Variants in PDE4D observed in about 807,000 individuals in gnomAD.
PDE4D encodes the protein 3',5'-cyclic-AMP phosphodiesterase 4D.
In PDE4D, 24 loss-of-function variants were observed where a neutral mutation model predicts 87.4. That is an observed-to-expected ratio of 0.27 (90% CI 0.20 to 0.39). The LOEUF (loss-of-function observed/expected upper bound fraction) is 0.39, where lower values mean the gene tolerates loss of function less well. PDE4D is among the 10% of genes least tolerant of loss of function. The pLI is 1.00. For missense variants in PDE4D, 714 were observed against 1,041.0 expected, an observed-to-expected ratio of 0.69 and a Z score of 4.32; for synonymous variants, 384 against 383.2, an observed-to-expected ratio of 1.00 and a Z score of -0.02.
chr5:59,537,725 G>A (rs1184074742), intron 1 of PDE4D, among the ~76,000 whole-genome samples: 1 of 152,122 alleles, frequency 6.6e-6, no homozygotes, highest in Non-Finnish European at 1.5e-5. Context: ...CCACTTATTT[G>A]ATATGATAGA....
At chr5:59,791,817 T>C (rs978588428) in intron 1 of PDE4D, among the ~76,000 whole-genome samples, 4 of 152,156 alleles carry the variant, frequency 2.6e-5, no homozygotes, top group African/African-American at 4.8e-5. Flanking sequence ...ACTCTCTGAG[T>C]GACCTTAGGC....
intron 1 of PDE4D, chr5:59,275,957 G>T: frequency 3.0e-6 from 3 of 985,178 alleles, no homozygotes; most frequent in Non-Finnish European, 2.4e-6. Flanking sequence ...CTTTGGCTGG[G>T]TGGGCTGATT....
chr5:59,542,707 T>A (rs1816573361), intron 1 of PDE4D, among the ~76,000 whole-genome samples: 2 of 152,300 alleles, frequency 1.3e-5, no homozygotes, highest in African/African-American at 4.8e-5. Context: ...CACCATCCAG[T>A]ATGATAGAAA....
intron 1 of PDE4D, among the ~76,000 whole-genome samples, chr5:60,362,222 A>G (rs1029314216): frequency 2.0e-5 from 3 of 152,140 alleles, no homozygotes; most frequent in African/African-American, 7.2e-5. Flanking sequence ...CACCTTCCCT[A>G]TGTCTGATCT....
chr5:60,507,903 C>T (rs1230239536), intron 1 of PDE4D, among the ~76,000 whole-genome samples: 1 of 152,198 alleles, frequency 6.6e-6, no homozygotes, highest in African/African-American at 2.4e-5. Context: ...GACTTATAAA[C>T]ATCTGACCTA....
intron 1 of PDE4D, among the ~76,000 whole-genome samples, chr5:59,330,622 T>G (rs1033836005): frequency 1.4e-5 from 2 of 146,804 alleles, no homozygotes; most frequent in African/African-American, 2.7e-5. Flanking sequence ...GAGAAAACCA[T>G]TTTTTTTATT....
chr5:59,029,540 C>A (rs1183557534), intron 6 of PDE4D, among the ~76,000 whole-genome samples: 1 of 151,728 alleles, frequency 6.6e-6, no homozygotes, highest in Non-Finnish European at 1.5e-5. Flanking sequence ...GAAAAGATAT[C>A]CCATGTTCAT....
At chr5:60,325,479 G>C (rs1300306810) in intron 1 of PDE4D, among the ~76,000 whole-genome samples, 1 of 152,186 alleles carries the variant, frequency 6.6e-6, no homozygotes, top group Non-Finnish European at 1.5e-5. Flanking sequence ...ATGGAAAGCA[G>C]AGGCAGTGGC....
At chr5:59,592,707 T>A (rs1041139237) in intron 1 of PDE4D, among the ~76,000 whole-genome samples, 4 of 152,060 alleles carry the variant, frequency 2.6e-5, no homozygotes, top group Admixed American at 2.0e-4. Context: ...GTAGAAGACT[T>A]AAAAGCCTAA....
chr5:59,814,605 A>G (rs1489200926), intron 1 of PDE4D, among the ~76,000 whole-genome samples: 3 of 152,208 alleles, frequency 2.0e-5, no homozygotes, highest in Non-Finnish European at 4.4e-5. Flanking sequence ...AGGGGAGGAC[A>G]TAACTGGTGT....
Position 58,992,000 on chromosome 5 carries a change from C to T in PDE4D, c.1020G>A (p.Lys340=), listed in dbSNP as rs557995650. ...SEFISNTFLD[K]QHEVEIPSPT... ...GAGAAGGAATTTCCACTTCATGTTGCTTATCTTGAGAAATTTAGAAAATGT... is the reference window on the plus strand; with the variant it reads ...GAGAAGGAATTTCCACTTCATGTTGTTTATCTTGAGAAATTTAGAAAATGT... The change falls in exon 8 of 15, where the codon AAG becomes AAA. Residue 340 remains lysine, a synonymous_variant. Transcript: ENST00000340635. The T allele has an allele frequency of 1.0e-4, 157 of 1,550,284 alleles. 3 individuals are homozygous for T. The South Asian group carries it at 2.0e-3, about 19-fold the overall frequency.
At chr5:60,200,744 A>T (rs910301915) in intron 1 of PDE4D, among the ~76,000 whole-genome samples, 1 of 152,154 alleles carries the variant, frequency 6.6e-6, no homozygotes, top group Admixed American at 6.5e-5. Flanking sequence ...CAATTTAGGG[A>T]ATTTCTGTAA....
chr5:59,164,453 C>A (rs1781592994), intron 5 of PDE4D, among the ~76,000 whole-genome samples: 1 of 152,090 alleles, frequency 6.6e-6, no homozygotes, highest in Non-Finnish European at 1.5e-5. Flanking sequence ...GTGCTTAATT[C>A]ACTTCATTTA....
chr5:59,703,521 C>T, intron 1 of PDE4D: 1 of 531,280 alleles, frequency 1.9e-6, no homozygotes, highest in Non-Finnish European at 3.9e-6. Context: ...CACCATGTAG[C>T]TTGTACTTGA....
chr5:59,254,307 C>T (rs1760542824), intron 1 of PDE4D, among the ~76,000 whole-genome samples: 2 of 152,012 alleles, frequency 1.3e-5, no homozygotes, highest in Non-Finnish European at 2.9e-5. Flanking sequence ...AGATGTCTAC[C>T]CTAGTTTTCC....
At chr5:60,181,239 T>C (rs913015683) in intron 2 of PDE4D, among the ~76,000 whole-genome samples, 3 of 152,114 alleles carry the variant, frequency 2.0e-5, no homozygotes, top group Non-Finnish European at 4.4e-5. Context: ...AATGTAAAGG[T>C]ACAGATGGAA....
intron 1 of PDE4D, among the ~76,000 whole-genome samples, chr5:59,754,595 G>T (rs141744634): frequency 2.0e-5 from 3 of 152,228 alleles, no homozygotes; most frequent in Non-Finnish European, 4.4e-5. Context: ...TACAAATTAC[G>T]TAGCCAGTGC....
intron 1 of PDE4D, among the ~76,000 whole-genome samples, chr5:59,379,996 C>G (rs1331916940): frequency 6.6e-6 from 1 of 152,058 alleles, no homozygotes; most frequent in African/African-American, 2.4e-5. Context: ...CCCCTCCTGG[C>G]TTTTGGAATC....
intron 1 of PDE4D, among the ~76,000 whole-genome samples, chr5:59,297,220 A>G (rs1014378042): frequency 6.6e-6 from 1 of 152,210 alleles, no homozygotes; most frequent in African/African-American, 2.4e-5. Flanking sequence ...AACATCCTAT[A>G]AAGGAATCTA....
Sources: allele counts gnomAD v4.1 joint callset (sites outside exome capture counted in the v4.1 genomes callset), GRCh38; gene constraint gnomAD v4.1.1; transcripts MANE v1.5; gene names NCBI Gene and HGNC (gene_info 2026-07-23, HGNC 2026-07-21).